ARHGAP21: variants seen among roughly 807,000 people sequenced by gnomAD.
ARHGAP21 encodes rho GTPase-activating protein 21.
A neutral mutation model predicts 164.6 loss-of-function variants in ARHGAP21; 38 were observed. That is an observed-to-expected ratio of 0.23 (90% CI 0.18 to 0.30). The LOEUF (loss-of-function observed/expected upper bound fraction) is 0.30, where lower values mean the gene tolerates loss of function less well. Ranked by LOEUF, ARHGAP21 falls within the 10% of genes least tolerant of loss-of-function variation. The pLI, the probability that ARHGAP21 is intolerant of heterozygous loss-of-function variation, is 1.00. For missense variants in ARHGAP21, 1,822 were observed against 2,370.7 expected (o/e 0.77, Z 4.81); for synonymous variants, 766 against 857.9 (o/e 0.89, Z 1.87).
At chr10:24,695,050 C>CAAAAAAAAAAA (rs570457905) in intron 2 of ARHGAP21, among the ~76,000 whole-genome samples, 10 of 78,502 alleles carry the variant, frequency 1.3e-4, no homozygotes, top group East Asian at 5.0e-4. Flanking sequence ...AATTCCATCT[C>CAAAAAAAAAAA]AAAAAAAAAA....
intron 4 of ARHGAP21, among the ~76,000 whole-genome samples, chr10:24,665,735 G>A (rs952050997): frequency 6.6e-6 from 1 of 152,184 alleles, no homozygotes; most frequent in African/African-American, 2.4e-5. Flanking sequence ...ACTTACAATA[G>A]ATGCAAATGT....
intron 11 of ARHGAP21, among the ~76,000 whole-genome samples, chr10:24,605,981 T>C (rs2077007450): frequency 1.3e-5 from 2 of 152,186 alleles, no homozygotes; most frequent in Admixed American, 1.3e-4. Flanking sequence ...ATAATAAAGA[T>C]GATGTATCAT....
At chr10:24,626,132 C>A (rs1835117742) in intron 7 of ARHGAP21, among the ~76,000 whole-genome samples, 1 of 152,200 alleles carries the variant, frequency 6.6e-6, no homozygotes, top group South Asian at 2.1e-4. Context: ...ACCCAAGAAT[C>A]TCCAGAGTTA....
intron 2 of ARHGAP21, among the ~76,000 whole-genome samples, chr10:24,698,383 C>A (rs1450562269): frequency 6.6e-6 from 1 of 152,138 alleles, no homozygotes; most frequent in Non-Finnish European, 1.5e-5. Context: ...CAAGCAGCGG[C>A]AAAGTGACTA....
At position 24,585,450 on chromosome 10, in the gene ARHGAP21, C is replaced by T; in HGVS notation, c.4839G>A (p.Glu1613=). The change falls in exon 26 of 26, where the codon GAG becomes GAA. Residue 1613 remains glutamate (E), a synonymous_variant. Transcript: ENST00000396432. ...RLSPEVQSVA[E]SKGDEADDER... is the part of the protein sequence containing the mutation. ...CGTCATCTGCCTCGTCCCCCTTGCT[C>T]TCTGCCACGGATTGCACCTCAGGGC... 1 of 1,614,120 alleles carries T rather than the reference C, an allele frequency of 6.2e-7. No homozygotes were observed. The highest frequency in any genetic ancestry group is 1.3e-5 in the African/African-American group (1 of 75,038).
chr10:24,715,069 T>C (rs954856121), intron 2 of ARHGAP21, among the ~76,000 whole-genome samples: 1 of 151,494 alleles, frequency 6.6e-6, no homozygotes, highest in Non-Finnish European at 1.5e-5. Flanking sequence ...AAAGAAAAAA[T>C]TGTTTTTTAA....
At chr10:24,688,167 G>A (rs1842391855) in intron 2 of ARHGAP21, among the ~76,000 whole-genome samples, 1 of 152,200 alleles carries the variant, frequency 6.6e-6, no homozygotes, top group African/African-American at 2.4e-5. Flanking sequence ...TAGGCGGGTG[G>A]ATCACCTGAG....
intron 2 of ARHGAP21, among the ~76,000 whole-genome samples, chr10:24,699,775 C>G (rs1312445160): frequency 6.6e-6 from 1 of 152,200 alleles, no homozygotes; most frequent in African/African-American, 2.4e-5. Context: ...CGACAAGAGA[C>G]TTAAGCCCTT....
chr10:24,715,349 C>G (rs552866913), intron 2 of ARHGAP21, among the ~76,000 whole-genome samples: 2 of 152,150 alleles, frequency 1.3e-5, no homozygotes, highest in South Asian at 2.1e-4. Context: ...ATATTTATGA[C>G]ATGAAAAAAT....
chr10:24,649,901 T>A (rs1374507187), intron 4 of ARHGAP21, among the ~76,000 whole-genome samples: 1 of 152,068 alleles, frequency 6.6e-6, no homozygotes, highest in Non-Finnish European at 1.5e-5. Context: ...GAAGAAACTA[T>A]AAGAAGTGAT....
At chr10:24,696,204 A>G (rs1195115794) in intron 2 of ARHGAP21, among the ~76,000 whole-genome samples, 2 of 152,156 alleles carry the variant, frequency 1.3e-5, no homozygotes, top group Non-Finnish European at 2.9e-5. Flanking sequence ...AGCTTACTAC[A>G]CAGAAAGTTT....
rs1836237579 is a variant in ARHGAP21, at chr10:24,635,110, C to T, written c.269-7G>A. On this transcript the variant is annotated splice_region_variant and splice_polypyrimidine_tract_variant and intron_variant, in intron 4 of 25. Coordinates refer to ENST00000396432, the MANE Select transcript of ARHGAP21 (RefSeq NM_020824.4). ...AAGCGGTTTCTTTGTTTTCCTGTTA[C>T]AGAGAAGCCCAAAGCATGATTTTAC... 1 of 1,563,264 alleles carries T rather than the reference C, an allele frequency of 6.4e-7. No individual in the cohort carries two copies. Among genetic ancestry groups the T allele is most frequent in the Non-Finnish European group, 8.7e-7 (1 of 1,152,008 alleles).
intron 4 of ARHGAP21, among the ~76,000 whole-genome samples, chr10:24,643,878 T>G (rs974641301): frequency 6.6e-6 from 1 of 152,166 alleles, no homozygotes; most frequent in African/African-American, 2.4e-5. Flanking sequence ...AGTAACCTTC[T>G]TTTTTATTTA....
chr10:24,623,968 G>A (rs547004653), intron 7 of ARHGAP21, among the ~76,000 whole-genome samples: 44 of 152,092 alleles, frequency 2.9e-4, no homozygotes, highest in African/African-American at 1.0e-3. Flanking sequence ...AGAAGTATAC[G>A]GCTGGAACTA....
chr10:24,669,360 C>T (rs1840483621), intron 3 of ARHGAP21, among the ~76,000 whole-genome samples: 1 of 152,100 alleles, frequency 6.6e-6, no homozygotes, highest in South Asian at 2.1e-4. Context: ...TTAGAAAAGA[C>T]TTTGTAATAC....
intron 2 of ARHGAP21, among the ~76,000 whole-genome samples, chr10:24,686,137 G>A (rs1842185731): frequency 6.6e-6 from 1 of 152,052 alleles, no homozygotes; most frequent in Non-Finnish European, 1.5e-5. Flanking sequence ...AACTCAAATT[G>A]GAAACTACTT....
intron 5 of ARHGAP21, 82 bp downstream of exon 5, chr10:24,634,929 G>T (rs1593110978): frequency 2.7e-6 from 3 of 1,105,022 alleles, no homozygotes; most frequent in East Asian, 5.2e-5. Context: ...GATACAAAAG[G>T]AAAAAATATC....
intron 2 of ARHGAP21, among the ~76,000 whole-genome samples, chr10:24,708,670 C>T (rs1280190957): frequency 2.0e-5 from 3 of 152,210 alleles, no homozygotes; most frequent in African/African-American, 7.2e-5. Context: ...TGAGCGAGAA[C>T]ATGCAATATT....
At chr10:24,635,298 A>G (rs574629260) in intron 4 of ARHGAP21, among the ~76,000 whole-genome samples, 195 bp from the exon 5 acceptor site, 1 of 152,360 alleles carries the variant, frequency 6.6e-6, no homozygotes, top group African/African-American at 2.4e-5. Context: ...CTTCCATAAC[A>G]TAATGACAAC....
Sources: allele counts gnomAD v4.1 joint callset (sites outside exome capture counted in the v4.1 genomes callset), GRCh38; gene constraint gnomAD v4.1.1; transcripts MANE v1.5; gene names NCBI Gene and HGNC (gene_info 2026-07-23, HGNC 2026-07-21).